Variants in DRC8 observed in about 807,000 individuals in gnomAD.
DRC8 encodes the protein dynein regulatory complex subunit 8, also known as dynein regulatory complex protein 8.
chr1:244,970,045 T>A, the DRC8 span: 9 of 616,920 alleles, frequency 1.5e-5, no homozygotes, highest in Non-Finnish European at 2.6e-5. Context: ...GGGCGAGGGG[T>A]GTGTGCGCGC....
the DRC8 span, among the ~76,000 whole-genome samples, chr1:245,037,159 C>A: frequency 6.6e-6 from 1 of 152,070 alleles, no homozygotes. Flanking sequence ...TCAGAGAATA[C>A]AAAGTAAGTA....
chr1:245,018,487 C>T, the DRC8 span, among the ~76,000 whole-genome samples: 1 of 152,122 alleles, frequency 6.6e-6, no homozygotes, highest in Non-Finnish European at 1.5e-5. Flanking sequence ...GAACACCAGG[C>T]CTTCCTGTGG....
chr1:245,087,596 C>A, the DRC8 span: 27 of 1,113,454 alleles, frequency 2.4e-5, no homozygotes, highest in Non-Finnish European at 3.0e-5. Flanking sequence ...AACATTTTAA[C>A]ATTAGAATGG....
chr1:245,015,909 G>C, the DRC8 span, among the ~76,000 whole-genome samples: 24 of 149,588 alleles, frequency 1.6e-4, no homozygotes, highest in Middle Eastern at 0.021. Flanking sequence ...AAACCCTTCA[G>C]CGGCTTCTCA....
the DRC8 span, among the ~76,000 whole-genome samples, chr1:245,047,788 A>C: frequency 6.6e-6 from 1 of 152,162 alleles, no homozygotes; most frequent in African/African-American, 2.4e-5. Context: ...CTTGGCCAAC[A>C]TGGTGAAACC....
At chr1:245,028,724 T>C in the DRC8 span, among the ~76,000 whole-genome samples, 1 of 152,186 alleles carries the variant, frequency 6.6e-6, no homozygotes, top group East Asian at 1.9e-4. Flanking sequence ...ATAGATAATA[T>C]GTTCACATGT....
At chr1:245,016,074 C>G in the DRC8 span, among the ~76,000 whole-genome samples, 7 of 151,122 alleles carry the variant, frequency 4.6e-5, no homozygotes. Context: ...CTCCGCCTCC[C>G]AGGTTCAAGC....
chr1:245,044,185 G>A, the DRC8 span, among the ~76,000 whole-genome samples: 1 of 152,144 alleles, frequency 6.6e-6, no homozygotes, highest in Non-Finnish European at 1.5e-5. Flanking sequence ...TATGTGTGGT[G>A]GATGTACCAT....
At chr1:245,105,553 A>C in the DRC8 span, among the ~76,000 whole-genome samples, 1 of 145,952 alleles carries the variant, frequency 6.9e-6, no homozygotes. Context: ...AGCCCAGGAC[A>C]TGGCGGTTGC....
At chr1:245,114,938 A>ATG in the DRC8 span, among the ~76,000 whole-genome samples, 3 of 151,966 alleles carry the variant, frequency 2.0e-5, no homozygotes, top group Admixed American at 2.0e-4. Flanking sequence ...GTTGGTCAGG[A>ATG]TGGTCTCGAT....
the DRC8 span, chr1:245,123,767 A>T: frequency 6.5e-6 from 1 of 153,516 alleles, no homozygotes. The surrounding 1 kb of genome is among the most constrained non-coding windows in gnomAD (Gnocchi z 5.0). Context: ...CTGTCACGAG[A>T]GCTGAGGGGA....
the DRC8 span, among the ~76,000 whole-genome samples, chr1:245,040,037 C>T: frequency 1.3e-5 from 2 of 152,164 alleles, no homozygotes; most frequent in Non-Finnish European, 2.9e-5. Context: ...AATATTGATT[C>T]CCCTCAAACT....
the DRC8 span, among the ~76,000 whole-genome samples, chr1:244,987,854 A>G: frequency 6.6e-6 from 1 of 152,088 alleles, no homozygotes; most frequent in East Asian, 1.9e-4. Context: ...TGAGTATCTA[A>G]TTAGATATTT....
the DRC8 span, among the ~76,000 whole-genome samples, chr1:245,073,131 A>AT: frequency 8.6e-5 from 13 of 151,932 alleles, no homozygotes; most frequent in Admixed American, 3.3e-4. Context: ...AGCTCTATTA[A>AT]TTTTTTTTGT....
chr1:245,076,454 T>A, the DRC8 span, among the ~76,000 whole-genome samples: 3 of 152,332 alleles, frequency 2.0e-5, no homozygotes, highest in East Asian at 5.8e-4. Context: ...AGGTAATGTC[T>A]TTTTTATTTA....
chr1:244,980,380 AAAAT>A, the DRC8 span, among the ~76,000 whole-genome samples: 5 of 152,298 alleles, frequency 3.3e-5, no homozygotes, highest in African/African-American at 1.2e-4. Context: ...GAAAAAATAA[AAAAT>A]AAAGTTTTTT....
At chr1:245,084,437 TA>T in the DRC8 span, among the ~76,000 whole-genome samples, 1 of 152,160 alleles carries the variant, frequency 6.6e-6, no homozygotes, top group African/African-American at 2.4e-5. Flanking sequence ...TTTTTAACAC[TA>T]AAAATGTCCT....
the DRC8 span, among the ~76,000 whole-genome samples, chr1:245,071,668 T>C: frequency 1.2e-4 from 19 of 152,166 alleles, no homozygotes; most frequent in African/African-American, 3.6e-4. Flanking sequence ...ATTTTAGCAA[T>C]ACTTATCAAT....
the DRC8 span, chr1:245,121,864 TG>T: frequency 2.4e-6 from 1 of 422,632 alleles, no homozygotes; most frequent in South Asian, 1.7e-5. Flanking sequence ...TCTACTTTTT[TG>T]CTTTCTTAAT....
Sources: gnomAD v4.1 joint callset for allele counts (sites outside exome capture counted in the v4.1 genomes callset) on GRCh38, gnomAD v4.1.1 for gene constraint, Gnocchi (gnomAD v3.1) non-coding constraint, MANE v1.5 for transcripts, NCBI Gene and HGNC (gene_info 2026-07-23, HGNC 2026-07-21) for gene names.